Variants in FCHO1 observed in about 807,000 individuals in gnomAD.
The protein encoded by FCHO1 is F-BAR domain only protein 1.
In FCHO1, 45 loss-of-function variants were observed where a neutral mutation model predicts 114.4. That is an observed-to-expected ratio of 0.39 (90% confidence interval 0.31 to 0.50). FCHO1 has a LOEUF of 0.50. FCHO1 is among the 20% of genes least tolerant of loss of function. FCHO1 has a pLI of 0.77. For synonymous variants in FCHO1, 480 were observed against 488.9 expected, an observed-to-expected ratio of 0.98 and a Z score of 0.24; for missense variants, 1,042 against 1,209.6, an observed-to-expected ratio of 0.86 and a Z score of 2.06.
In FCHO1 at chr19:17,770,471, C is replaced by T. The variant is rs1194247218; in HGVS notation, c.383C>T (p.Ser128Leu). 6 of 1,613,868 alleles carry T rather than the reference C, an allele frequency of 3.7e-6. No individual in the cohort carries two copies. The highest frequency in any genetic ancestry group is 1.7e-5 in the Admixed American group (1 of 60,016). The change falls in exon 8 of 29, where the codon TCG becomes TTG. Residue 128 changes from serine (S) to leucine (L), a missense_variant. Physicochemically the swap from Ser to Leu is moderately radical, Grantham distance 145. Transcript: ENST00000596536. ...ACCTTGGATGCTGTGCAGGTACTCT[C>T]GGGCGTCAGCCAGCTCCTGCCCAAG... ...VSTLDAVQVL[S>L]GVSQLLPKSR...
upstream of FCHO1, chr19:17,751,405 CG>C: frequency 6.6e-6 from 1 of 150,870 alleles, no homozygotes; most frequent in Non-Finnish European, 1.5e-5. This position sits in a 1 kb window ranked among gnomAD's most constrained non-coding sequence, Gnocchi z 4.4. Context: ...GCTGATCGGG[CG>C]GGGGAGGAAA....
At chr19:17,758,899 A>T (rs1007864754) in intron 4 of FCHO1, 1 of 152,164 alleles carries the variant, frequency 6.6e-6, no homozygotes, top group Non-Finnish European at 1.5e-5. Context: ...TCTTGAGCCC[A>T]GGAATTTGAG....
At chr19:17,750,827 C>CTTTTT (rs56003373), upstream of FCHO1, among the ~76,000 whole-genome samples, 2 of 134,260 alleles carry the variant, frequency 1.5e-5, no homozygotes, top group African/African-American at 2.8e-5. Flanking sequence ...CCTTTCTTTT[C>CTTTTT]TTTTTTTTTT....
chr19:17,784,677 A>G lies in FCHO1; in HGVS notation c.2227-48A>G, dbSNP rs2093715998. ...GTTGAATAGCGCATGGTGTGGCAAG[A>G]CAGGATGGCCCAAGCTGTGTCCTCT... On this transcript the variant is annotated intron_variant, in intron 25 of 28. Transcript: ENST00000596536. This position sits in a 1 kb window ranked among gnomAD's most constrained non-coding sequence, Gnocchi z 5.3. The G allele has an allele frequency of 1.3e-6, 2 of 1,583,964 alleles. No homozygotes were observed. The highest frequency in any genetic ancestry group is 2.7e-5 in the African/African-American group (2 of 74,484).
chr19:17,772,690 A>T lies in FCHO1; in HGVS notation c.739A>T (p.Met247Leu). ...GAACATCGAGAACGTCAGCGTGGAGATGCTACTCAGGAAGTTTGCAGAGAG... is the reference window on the plus strand; with the variant it reads ...GAACATCGAGAACGTCAGCGTGGAGTTGCTACTCAGGAAGTTTGCAGAGAG... The part of the protein sequence containing the change: ...KQNIENVSVE[M>L]LLRKFAESKG... The change falls in exon 11 of 29, where the codon ATG (methionine) becomes TTG (leucine). Residue 247 changes from methionine to leucine, a missense_variant. Met to Leu is a conservative substitution (Grantham distance 15). This residue lies in a region of FCHO1 where 450 missense variants were observed against 564.1 expected (regional missense o/e 0.80). Coordinates refer to ENST00000596536, the MANE Select transcript of FCHO1 (RefSeq NM_015122.3). The T allele has an allele frequency of 2.5e-6, 4 of 1,614,066 alleles. No individual in the cohort carries two copies. Among genetic ancestry groups the T allele is most frequent in the Non-Finnish European group, 2.5e-6 (3 of 1,180,022 alleles).
At chr19:17,761,969 T>TTTCATTCATTCATTCATTCA (rs111716506) in intron 4 of FCHO1, among the ~76,000 whole-genome samples, 39 of 148,110 alleles carry the variant, frequency 2.6e-4, no homozygotes, top group African/African-American at 3.0e-4. Flanking sequence ...TTTATTTTTA[T>TTTCATTCATTCATTCATTCA]TTCATTCATT....
chr19:17,786,440 A>T, intron 26 of FCHO1, 134 bp from the exon 27 acceptor site: 2 of 812,066 alleles, frequency 2.5e-6, no homozygotes, highest in Non-Finnish European at 2.0e-6. Flanking sequence ...CCCTCATTTC[A>T]CAGATGAGGA....
At chr19:17,756,222 G>C (rs1450661796) in intron 4 of FCHO1, among the ~76,000 whole-genome samples, 1 of 152,144 alleles carries the variant, frequency 6.6e-6, no homozygotes, top group Non-Finnish European at 1.5e-5. Context: ...CACCTGCAGG[G>C]GTGTGACCTC....
At chr19:17,760,618 T>C (rs940136398) in intron 4 of FCHO1, among the ~76,000 whole-genome samples, 2 of 152,178 alleles carry the variant, frequency 1.3e-5, no homozygotes, top group Non-Finnish European at 2.9e-5. Context: ...AGAGTGGCCT[T>C]TGGGGCTTTG....
intron 4 of FCHO1, chr19:17,755,604 ACC>A (rs2083204154): frequency 1.2e-5 from 2 of 168,066 alleles, no homozygotes; most frequent in Admixed American, 1.2e-4. Context: ...TGGCCTGTGC[ACC>A]CCTCCACTGT....
At chr19:17,783,743 G>C (rs566065313) in intron 24 of FCHO1, among the ~76,000 whole-genome samples, 5 of 152,114 alleles carry the variant, frequency 3.3e-5, no homozygotes, top group Non-Finnish European at 7.4e-5. Flanking sequence ...ACCATGCCTG[G>C]CTGATTTTTG....
At chr19:17,767,584 C>CA (rs2089859441) in intron 7 of FCHO1, among the ~76,000 whole-genome samples, 1 of 95,712 alleles carries the variant, frequency 1.0e-5, no homozygotes, top group African/African-American at 3.7e-5. Context: ...AAAAAAAAAA[C>CA]AAGAGAGAGA....
chr19:17,759,240 T>TTTTTTTTTTTTTTG (rs1888198718), intron 4 of FCHO1, among the ~76,000 whole-genome samples: 1 of 147,074 alleles, frequency 6.8e-6, no homozygotes, highest in Non-Finnish European at 1.5e-5. Flanking sequence ...TTTTTTTTTT[T>TTTTTTTTTTTTTTG]GAGACAGAGT....
chr19:17,748,947 C>T (rs1160731249), upstream of FCHO1, among the ~76,000 whole-genome samples: 1 of 152,184 alleles, frequency 6.6e-6, no homozygotes, highest in Non-Finnish European at 1.5e-5. Flanking sequence ...GCCTTGCTAT[C>T]CTCTCAGCCT....
upstream of FCHO1, among the ~76,000 whole-genome samples, chr19:17,748,288 C>G (rs995583435): frequency 1.1e-4 from 17 of 152,152 alleles, no homozygotes; most frequent in Non-Finnish European, 2.9e-5. Flanking sequence ...CTGTGAACCC[C>G]TATCCAGGCC....
chr19:17,770,686 A>C, intron 8 of FCHO1, 106 bp from the exon 9 acceptor site: 1 of 1,576,016 alleles, frequency 6.3e-7, no homozygotes, highest in Non-Finnish European at 8.7e-7. Context: ...CCTGTGGGTG[A>C]TCACACCCTG....
In FCHO1 at chr19:17,776,017, C is replaced by T. The variant is rs2092588623; in HGVS notation, c.1038C>T (p.Asp346=). 3 of 1,609,182 alleles carry T rather than the reference C, an allele frequency of 1.9e-6. No homozygotes were observed. The highest frequency in any genetic ancestry group is 2.7e-5 in the African/African-American group (2 of 74,916). Reference sequence around the variant, plus strand: ...AGCCCTCCCGTTTCTCGTCCAGCGACTCCGACTTCGACGATGAAGAGCCCC... The same window carrying T: ...AGCCCTCCCGTTTCTCGTCCAGCGATTCCGACTTCGACGATGAAGAGCCCC... ...TAEPSRFSSS[D]SDFDDEEPRK... is the part of the protein sequence containing the mutation. Residue 346 remains aspartate, a synonymous_variant, in exon 16 of 29, where the codon GAC becomes GAT. Coordinates refer to ENST00000596536, the MANE Select transcript of FCHO1 (RefSeq NM_015122.3). The surrounding 1 kb of genome is among the most constrained non-coding windows in gnomAD (Gnocchi z 4.4).
At chr19:17,773,082 G>C (rs2091986019) in intron 11 of FCHO1, among the ~76,000 whole-genome samples, 2 of 152,238 alleles carry the variant, frequency 1.3e-5, no homozygotes, top group Non-Finnish European at 2.9e-5. Context: ...AGGCTTGGCT[G>C]ATCAGACTTC....
Position 17,788,458 on chromosome 19 carries a change from C to A in FCHO1, c.*152C>A, listed in dbSNP as rs1052211. 3.3e-6 allele frequency: 2 copies of A among 607,132 alleles called. No homozygotes were observed. The highest frequency in any genetic ancestry group is 2.1e-5 in the South Asian group (1 of 48,594). The allele number at this position is 607,132 out of a possible 1,614,324, so 37.6% of individuals were successfully genotyped here. A position where few individuals can be genotyped will look rare whatever the true frequency, so the allele number is the denominator to read the frequency against. On this transcript the variant is annotated 3_prime_UTR_variant, in exon 29 of 29. Coordinates refer to ENST00000596536, the MANE Select transcript of FCHO1 (RefSeq NM_015122.3). ...GCCCCATGCCCAGCCTGGCTGAGCC[C>A]GAGATTCGCTCCTCCCCCTCATGCC...
Sources: allele counts gnomAD v4.1 joint callset (sites outside exome capture counted in the v4.1 genomes callset), GRCh38; gene constraint gnomAD v4.1.1; regional missense constraint gnomAD v4.1.1; non-coding constraint Gnocchi (gnomAD v3.1); transcripts MANE v1.5; gene names NCBI Gene and HGNC (gene_info 2026-07-23, HGNC 2026-07-21).